MAU2: variants seen among roughly 807,000 people sequenced by gnomAD.
The protein encoded by MAU2 is MAU2 chromatid cohesion factor homolog.
In MAU2, 9 loss-of-function variants were observed where a neutral mutation model predicts 89.1. The observed-to-expected ratio is 0.10, with a 90% CI of 0.06 to 0.18. The LOEUF (loss-of-function observed/expected upper bound fraction) is 0.18, where lower values mean the gene tolerates loss of function less well. Among genes scored for constraint, MAU2 ranks in the 10% least tolerant of loss-of-function variants. MAU2 has a pLI of 1.00. For synonymous variants in MAU2, 357 were observed against 343.4 expected (o/e 1.04, Z -0.44); for missense variants, 425 against 803.5 (o/e 0.53, Z 5.69).
intron 1 of MAU2, among the ~76,000 whole-genome samples, chr19:19,324,678 G>T (rs73524674): frequency 2.6e-5 from 4 of 152,168 alleles, no homozygotes; most frequent in African/African-American, 9.7e-5. Context: ...AAGTGCCTTT[G>T]CTCTGTCAAA....
chr19:19,323,879 A>G (rs1057143002), intron 1 of MAU2, among the ~76,000 whole-genome samples: 2 of 152,242 alleles, frequency 1.3e-5, no homozygotes, highest in East Asian at 1.9e-4. Context: ...CCAAGGCTGC[A>G]CAACAAGTTA....
At chr19:19,352,911 C>CA (rs2061757012) in intron 16 of MAU2, 1 of 152,328 alleles carries the variant, frequency 6.6e-6, no homozygotes, top group Non-Finnish European at 1.5e-5. Context: ...CAGCCAGACA[C>CA]AGCCAAGCCA....
chr19:19,357,811 T>C lies in MAU2; in HGVS notation c.*2029T>C, dbSNP rs1362246774. 6.6e-6 allele frequency: 1 copy of C among 152,172 alleles called. No homozygotes were observed. Among genetic ancestry groups the C allele is most frequent in the African/African-American group, 2.4e-5 (1 of 41,440 alleles). The allele number at this position is 152,172 out of a possible 1,614,324, so 9.4% of individuals were successfully genotyped here. On this transcript the variant is annotated 3_prime_UTR_variant, in exon 19 of 19. Transcript: ENST00000262815. ...GCCAAATCATGTGCATGTGTGTGTG[T>C]GCGTGTGTGCAAGCTTTGAACCTCC...
At chr19:19,344,064 C>A in intron 10 of MAU2, 124 bp downstream of exon 10, 1 of 759,824 alleles carries the variant, frequency 1.3e-6, no homozygotes, top group South Asian at 1.6e-5. Flanking sequence ...GTCTCGCTGT[C>A]GGCCAGCGTT....
intron 3 of MAU2, 119 bp from the exon 4 acceptor site, chr19:19,337,051 T>C (rs2061602495): frequency 1.4e-6 from 1 of 708,128 alleles, no homozygotes; most frequent in Non-Finnish European, 2.4e-6. Flanking sequence ...AAAAAATCCT[T>C]TGGTAAGCAT....
chr19:19,343,826 CT>C lies in MAU2; in HGVS notation c.974-10del. On this transcript the variant is annotated splice_polypyrimidine_tract_variant and intron_variant, in intron 9 of 18. Transcript: ENST00000262815. ...CTCCCCTGCATGCTTACCCCTGACT[CT>C]CACCCATAGTGCTGGACTGCAGCCC... is the stretch of plus-strand genomic sequence containing the variant. 2.5e-6 allele frequency: 4 copies of C among 1,607,900 alleles called. No homozygotes were observed. The highest frequency in any genetic ancestry group is 3.4e-6 in the Non-Finnish European group (4 of 1,175,062).
At position 19,326,722 on chromosome 19, in the gene MAU2, A is replaced by G. The variant is rs989848740; in HGVS notation, c.276+5587A>G. ...TATATGTATATATATATATATATAC[A>G]TATATATATATATACACAAAAATTA... On this transcript the variant is annotated intron_variant, in intron 1 of 18. Transcript: ENST00000262815. Among the ~76,000 whole-genome samples the G allele has an allele frequency of 3.5e-3, 134 of 38,210 alleles. 1 individual carries two copies. The highest frequency in any genetic ancestry group is 6.5e-3 in the East Asian group (4 of 620). The allele number at this position is 38,210 out of a possible 152,430, so 25.1% of individuals were successfully genotyped here. A position where few individuals can be genotyped will look rare whatever the true frequency, so the allele number is the denominator to read the frequency against.
At chr19:19,336,791 C>T (rs771897318) in intron 3 of MAU2, among the ~76,000 whole-genome samples, 1 of 152,222 alleles carries the variant, frequency 6.6e-6, no homozygotes, top group African/African-American at 2.4e-5. Context: ...CCTCCCACCT[C>T]AGAATGATGA....
At chr19:19,335,860 C>A (rs903578067) in intron 2 of MAU2, 125 bp downstream of exon 2, 128 of 1,120,218 alleles carry the variant, frequency 1.1e-4, no homozygotes, top group Middle Eastern at 2.0e-4. Flanking sequence ...CACAGAGCAC[C>A]TGGAGTGTCC....
intron 1 of MAU2, among the ~76,000 whole-genome samples, chr19:19,323,258 G>C (rs1008164645): frequency 6.6e-6 from 1 of 151,016 alleles, no homozygotes; most frequent in African/African-American, 2.4e-5. Flanking sequence ...GCAGTGGCGC[G>C]GTCTTGGCTC....
At chr19:19,329,114 A>G (rs919763051) in intron 1 of MAU2, 4 of 455,856 alleles carry the variant, frequency 8.8e-6, no homozygotes, top group African/African-American at 2.0e-5. Context: ...TTTTCTCTTA[A>G]GACCCAACAG....
At chr19:19,337,320 C>A in intron 4 of MAU2, 55 bp downstream of exon 4, 1 of 1,387,608 alleles carries the variant, frequency 7.2e-7, no homozygotes. Context: ...GACCCTGGGG[C>A]ACACCTGCCC....
chr19:19,345,290 C>G lies in MAU2; in HGVS notation c.1156-14C>G. ...CCAGGGGCCGGCCCTGATGACAACA[C>G]CACCTTCTTCCAGGGCCTGTACTGT... On this transcript the variant is annotated splice_polypyrimidine_tract_variant and intron_variant, in intron 11 of 18. Transcript: ENST00000262815. The surrounding 1 kb of genome is among the most constrained non-coding windows in gnomAD (Gnocchi z 4.9). The G allele has an allele frequency of 6.2e-7, 1 of 1,612,972 alleles. No homozygotes were observed.
At chr19:19,333,625 C>A (rs974439941) in intron 1 of MAU2, among the ~76,000 whole-genome samples, 1 of 152,182 alleles carries the variant, frequency 6.6e-6, no homozygotes, top group Non-Finnish European at 1.5e-5. Context: ...CTTTTGAAGT[C>A]TACCCGCCAC....
At position 19,357,053 on chromosome 19, in the gene MAU2, T is replaced by G. The variant is rs2048187710; in HGVS notation, c.*1271T>G. The G allele has an allele frequency of 6.6e-6, 1 of 152,382 alleles. No homozygotes were observed. Among genetic ancestry groups the G allele is most frequent in the South Asian group, 2.1e-4 (1 of 4,838 alleles). 9.4% of individuals were successfully genotyped at this position (152,382 alleles called of 1,614,324 possible). On this transcript the variant is annotated 3_prime_UTR_variant, in exon 19 of 19. Transcript: ENST00000262815. Reference sequence around the variant, plus strand: ...GTGGTGGTTTTAGGTCTTGTCACCCTCACTCAGTGGAACTGCCTCTGGGAG... The same window carrying G: ...GTGGTGGTTTTAGGTCTTGTCACCCGCACTCAGTGGAACTGCCTCTGGGAG...
In MAU2 at chr19:19,357,596, T is replaced by C. The variant is rs2048194572; in HGVS notation, c.*1814T>C. On this transcript the variant is annotated 3_prime_UTR_variant, in exon 19 of 19. Coordinates refer to ENST00000262815, the MANE Select transcript of MAU2 (RefSeq NM_015329.4). ...CCATCTATTTATTTAAGCCTTTCTT[T>C]GCTTGTAGGGCATTTTGTATGTAGA... 1 of 152,528 alleles carries C rather than the reference T, an allele frequency of 6.6e-6. No individual in the cohort carries two copies. Among genetic ancestry groups the C allele is most frequent in the South Asian group, 2.1e-4 (1 of 4,818 alleles). The allele number at this position is 152,528 out of a possible 1,614,324, so 9.4% of individuals were successfully genotyped here. A position where few individuals can be genotyped will look rare whatever the true frequency, so the allele number is the denominator to read the frequency against.
chr19:19,344,478 C>T (rs2061678090), intron 10 of MAU2: 1 of 322,372 alleles, frequency 3.1e-6, no homozygotes, highest in Admixed American at 4.4e-5. Context: ...GGATAGCGCA[C>T]ATGGTCTCTG....
intron 13 of MAU2, 158 bp from the exon 14 acceptor site, chr19:19,348,731 C>G (rs1215975775): frequency 5.0e-6 from 4 of 793,754 alleles, no homozygotes; most frequent in Admixed American, 2.0e-5. Context: ...CCCGGCCCTT[C>G]TCACCAGAGG....
intron 16 of MAU2, chr19:19,352,869 G>A (rs1178475227): frequency 6.6e-6 from 1 of 152,270 alleles, no homozygotes; most frequent in Non-Finnish European, 1.5e-5. Context: ...CCAAGGTCCT[G>A]GCCTTAAGTG....
Sources: allele counts gnomAD v4.1 joint callset (sites outside exome capture counted in the v4.1 genomes callset), GRCh38; gene constraint gnomAD v4.1.1; non-coding constraint Gnocchi (gnomAD v3.1); transcripts MANE v1.5; gene names NCBI Gene and HGNC (gene_info 2026-07-23, HGNC 2026-07-21).